TBP: variants seen among roughly 807,000 people sequenced by gnomAD.
The protein encoded by TBP is TATA-box binding protein.
Under a neutral mutation model 46.2 loss-of-function variants are expected in TBP, and 12 were observed. That is an observed-to-expected ratio of 0.26 (90% CI 0.17 to 0.42). The LOEUF is 0.42. TBP is among the 10% of genes least tolerant of loss of function. The pLI is 1.00. For synonymous variants in TBP, 157 were observed against 148.3 expected (o/e 1.06, Z -0.42); for missense variants, 229 against 403.1 (o/e 0.57, Z 3.70).
chr6:170,554,859 TGA>T (rs1778985721), intron 1 of TBP, among the ~76,000 whole-genome samples: 1 of 152,200 alleles, frequency 6.6e-6, no homozygotes, highest in Admixed American at 6.5e-5. Flanking sequence ...CTGCCAACAT[TGA>T]GACTTAAATA....
At position 170,565,150 on chromosome 6, in the gene TBP, C is replaced by T. The variant is rs527537028; in HGVS notation, c.585+518C>T. On this transcript the variant is annotated intron_variant, in intron 4 of 7. Transcript: ENST00000392092. ...CCAGCCTGGCAACAGAGCGAGACTCCGCCTCAAAAAAAAAATCTGTATATC... is the reference window on the plus strand; with the variant it reads ...CCAGCCTGGCAACAGAGCGAGACTCTGCCTCAAAAAAAAAATCTGTATATC... Among the ~76,000 whole-genome samples the T allele has an allele frequency of 4.0e-5, 6 of 151,662 alleles. No individual in the cohort carries two copies. The South Asian group carries it at 1.2e-3, about 31-fold the overall frequency.
chr6:170,566,390 ATG>A (rs1271195666), intron 4 of TBP, among the ~76,000 whole-genome samples: 1 of 152,192 alleles, frequency 6.6e-6, no homozygotes, highest in Non-Finnish European at 1.5e-5. Flanking sequence ...ATTTGCATTT[ATG>A]TGTTTAATAC....
In TBP at chr6:170,567,016, G is replaced by A. The variant is rs529728048; in HGVS notation, c.677+7G>A. On this transcript the variant is annotated splice_region_variant and intron_variant, in intron 5 of 7. Coordinates refer to ENST00000392092, the MANE Select transcript of TBP (RefSeq NM_003194.5). ...TGTGCACAGGAGCCAAGAGGTAGCCGTAAGAAATTCATTCTTCTGGTCTAT... is the reference window on the plus strand; with the variant it reads ...TGTGCACAGGAGCCAAGAGGTAGCCATAAGAAATTCATTCTTCTGGTCTAT... The A allele has an allele frequency of 1.9e-5, 31 of 1,610,592 alleles. No individual in the cohort carries two copies. Among genetic ancestry groups the A allele is most frequent in the East Asian group, 1.6e-4 (7 of 44,824 alleles).
chr6:170,561,906 GGCAGCAGCAGCAACAACAACAGCA>G lies in TBP; in HGVS notation c.183_206del (p.Gln88_Gln95del), dbSNP rs1779144855. 4.4e-6 allele frequency: 7 copies of G among 1,599,240 alleles called. No individual in the cohort carries two copies. Among genetic ancestry groups the G allele is most frequent in the African/African-American group, 2.9e-5 (2 of 68,012 alleles). On this transcript the variant is annotated inframe_deletion, in exon 3 of 8. Transcript: ENST00000392092. ...CTGTCTATTTTGGAAGAGCAACAAA[GGCAGCAGCAGCAACAACAACAGCA>G]GCAGCAGCAGCAGCAGCAGCAACAG...
chr6:170,558,434 A>G (rs1335120671), intron 2 of TBP, among the ~76,000 whole-genome samples: 1 of 152,186 alleles, frequency 6.6e-6, no homozygotes, highest in Non-Finnish European at 1.5e-5. Context: ...CCTGATTACT[A>G]ATGTTTCTGA....
intron 2 of TBP, among the ~76,000 whole-genome samples, chr6:170,560,441 G>C (rs1414291606): frequency 6.6e-6 from 1 of 152,160 alleles, no homozygotes; most frequent in Non-Finnish European, 1.5e-5. Flanking sequence ...GAAGTTAAAG[G>C]CTACAATGGA....
intron 2 of TBP, among the ~76,000 whole-genome samples, chr6:170,560,694 C>T (rs1461837206): frequency 6.6e-6 from 1 of 152,170 alleles, no homozygotes; most frequent in African/African-American, 2.4e-5. Context: ...GACTTCAGTG[C>T]TGGAAGTTAC....
At chr6:170,567,301 A>G (rs1410112952) in intron 5 of TBP, 1 of 155,352 alleles carries the variant, frequency 6.4e-6, no homozygotes, top group Non-Finnish European at 1.4e-5. Context: ...CCTGACCAAC[A>G]TGGTGAAACT....
rs1779377811 is a variant in TBP, at chr6:170,572,207, T to C, written c.962T>C (p.Ile321Thr). ...VLTGAKVRAEIYEAFENIYPI... is the reference protein window; with the variant it reads ...VLTGAKVRAETYEAFENIYPI... ...TTAGGTGCTAAAGTCAGAGCAGAAATTTATGAAGCATTTGAAAACATCTAC... is the reference window on the plus strand; with the variant it reads ...TTAGGTGCTAAAGTCAGAGCAGAAACTTATGAAGCATTTGAAAACATCTAC... Residue 321 changes from isoleucine (I) to threonine (T), a missense_variant, in exon 8 of 8, where the codon ATT (isoleucine) becomes ACT (threonine). By Grantham distance (89) the Ile-to-Thr change is moderately conservative (BLOSUM62 -1). Coordinates refer to ENST00000392092, the MANE Select transcript of TBP (RefSeq NM_003194.5). 6.2e-7 allele frequency: 1 copy of C among 1,614,086 alleles called. No homozygotes were observed. Among genetic ancestry groups the C allele is most frequent in the Non-Finnish European group, 8.5e-7 (1 of 1,179,990 alleles).
intron 3 of TBP, among the ~76,000 whole-genome samples, chr6:170,563,856 G>C (rs1163925532): frequency 2.0e-5 from 3 of 152,034 alleles, no homozygotes; most frequent in Admixed American, 1.3e-4. Context: ...TGGGTTTGTT[G>C]TTTAAATTTT....
intron 4 of TBP, among the ~76,000 whole-genome samples, chr6:170,566,161 G>A (rs565724370): frequency 2.6e-5 from 4 of 152,130 alleles, no homozygotes; most frequent in African/African-American, 9.6e-5. Context: ...AAACATGTAG[G>A]TTTTTATTGT....
chr6:170,564,466 T>G, intron 3 of TBP, 79 bp from the exon 4 acceptor site: 1 of 952,364 alleles, frequency 1.1e-6, no homozygotes, highest in East Asian at 2.6e-5. Flanking sequence ...TAATCAGATG[T>G]CTGCATAATT....
At chr6:170,563,000 T>C (rs1471364502) in intron 3 of TBP, among the ~76,000 whole-genome samples, 1 of 152,192 alleles carries the variant, frequency 6.6e-6, no homozygotes, top group Non-Finnish European at 1.5e-5. Flanking sequence ...ATGGTTGTTG[T>C]TTATAAGCTA....
At position 170,562,146 on chromosome 6, in the gene TBP, C is replaced by T. The variant is rs142540266; in HGVS notation, c.410C>T (p.Pro137Leu). Reference sequence around the variant, plus strand: ...ACTGCACCCTTGCCGGGCACCACTCCACTGTATCCCTCCCCCATGACTCCC... The same window carrying T: ...ACTGCACCCTTGCCGGGCACCACTCTACTGTATCCCTCCCCCATGACTCCC... ...LTTAPLPGTT[P>L]LYPSPMTPMT... Residue 137 changes from proline (P) to leucine (L), a missense_variant, in exon 3 of 8, where the codon CCA (proline) becomes CTA (leucine). Coordinates refer to ENST00000392092, the MANE Select transcript of TBP (RefSeq NM_003194.5). 1.3e-5 allele frequency: 21 copies of T among 1,614,068 alleles called. No homozygotes were observed. Among genetic ancestry groups the T allele is most frequent in the Non-Finnish European group, 1.6e-5 (19 of 1,180,038 alleles).
intron 4 of TBP, 37 bp downstream of exon 4, chr6:170,564,669 T>C: frequency 7.1e-7 from 1 of 1,415,980 alleles, no homozygotes; most frequent in South Asian, 1.3e-5. Flanking sequence ...TTTTTTTTCT[T>C]TTTTGTCTCC....
At chr6:170,558,571 T>C (rs1430505705) in intron 2 of TBP, among the ~76,000 whole-genome samples, 1 of 152,220 alleles carries the variant, frequency 6.6e-6, no homozygotes, top group Non-Finnish European at 1.5e-5. Context: ...CTGTTGGCAT[T>C]ATTTTTCCAA....
Position 170,566,982 on chromosome 6 carries a change from G to A in TBP, c.650G>A (p.Gly217Glu). 6.2e-7 allele frequency: 1 copy of A among 1,613,646 alleles called. No individual in the cohort carries two copies. Among genetic ancestry groups the A allele is most frequent in the Non-Finnish European group, 8.5e-7 (1 of 1,179,814 alleles). The part of the protein sequence containing the change: ...PRTTALIFSS[G>E]KMVCTGAKSE... ...ACCACGGCACTGATTTTCAGTTCTG[G>A]GAAAATGGTGTGCACAGGAGCCAAG... Residue 217 changes from glycine (G) to glutamate (E), a missense_variant, in exon 5 of 8, where the codon GGG (glycine) becomes GAG (glutamate). Coordinates refer to ENST00000392092, the MANE Select transcript of TBP (RefSeq NM_003194.5).
In TBP at chr6:170,567,632, A is replaced by G. The variant is rs543745942; in HGVS notation, c.677+623A>G. 4.6e-5 allele frequency: 7 copies of G among 152,366 alleles called. No homozygotes were observed. The South Asian group carries it at 8.3e-4, about 18-fold the overall frequency. 9.4% of individuals were successfully genotyped at this position (152,366 alleles called of 1,614,324 possible). On this transcript the variant is annotated intron_variant, in intron 5 of 7. Coordinates refer to ENST00000392092, the MANE Select transcript of TBP (RefSeq NM_003194.5). ...CAAGAATTAAAACACTTCTAAGCTA[A>G]TGGTGTAAGGGCTTTGCAGACCTTA...
At chr6:170,566,111 G>T (rs1779242135) in intron 4 of TBP, among the ~76,000 whole-genome samples, 1 of 151,924 alleles carries the variant, frequency 6.6e-6, no homozygotes, top group Non-Finnish European at 1.5e-5. Flanking sequence ...AAATAAAATT[G>T]TTAAAGCAAT....
Sources: gnomAD v4.1 joint callset for allele counts (sites outside exome capture counted in the v4.1 genomes callset) on GRCh38, gnomAD v4.1.1 for gene constraint, MANE v1.5 for transcripts, NCBI Gene and HGNC (gene_info 2026-07-23, HGNC 2026-07-21) for gene names.